The following DMXL1 variants were observed in gnomAD, a reference collection of about 807,000 sequenced individuals.
The protein encoded by DMXL1 is dmX-like protein 1.
In DMXL1, 99 loss-of-function variants were observed where a neutral mutation model predicts 319.2. The ratio of observed to expected loss-of-function variants is 0.31; its 90% confidence interval spans 0.26 to 0.37. DMXL1 has a LOEUF of 0.37. Among genes scored for constraint, DMXL1 ranks in the 10% least tolerant of loss-of-function variants. The probability of loss-of-function intolerance (pLI) is 1.00; values close to 1 mark genes in which losing one functional copy is unlikely to be tolerated. For synonymous variants in DMXL1, 1,385 were observed against 1,235.2 expected (o/e 1.12, Z -2.54); for missense variants, 3,745 against 3,595.6 (o/e 1.04, Z -1.06).
intron 34 of DMXL1, among the ~76,000 whole-genome samples, chr5:119,210,672 A>G (rs1339214400): frequency 4.0e-5 from 6 of 151,714 alleles, no homozygotes; most frequent in Non-Finnish European, 7.4e-5. Context: ...CTTTATCACT[A>G]TAACCTTATA....
At chr5:119,153,693 T>C (rs1489578495) in intron 19 of DMXL1, among the ~76,000 whole-genome samples, 2 of 152,240 alleles carry the variant, frequency 1.3e-5, no homozygotes, top group African/African-American at 4.8e-5. Flanking sequence ...CTGGCTTATT[T>C]CACTTACTGT....
intron 19 of DMXL1, among the ~76,000 whole-genome samples, chr5:119,163,797 G>T (rs1412440008): frequency 6.6e-6 from 1 of 152,086 alleles, no homozygotes; most frequent in African/African-American, 2.4e-5. Context: ...GGATGGTCTC[G>T]ATCTCCTGAC....
chr5:119,203,194 C>T (rs1561866526), intron 32 of DMXL1, 125 bp from the exon 33 acceptor site: 8 of 579,902 alleles, frequency 1.4e-5, no homozygotes, highest in Middle Eastern at 2.9e-4. Flanking sequence ...GCCATATGAT[C>T]TGCCTCCAGT....
intron 13 of DMXL1, among the ~76,000 whole-genome samples, chr5:119,140,980 A>G (rs1044821418): frequency 6.6e-6 from 1 of 152,124 alleles, no homozygotes; most frequent in Non-Finnish European, 1.5e-5. Flanking sequence ...GATTTATCAC[A>G]TAAGGAGAAC....
intron 28 of DMXL1, among the ~76,000 whole-genome samples, chr5:119,186,953 A>G (rs1281730968): frequency 6.6e-6 from 1 of 152,124 alleles, no homozygotes; most frequent in Non-Finnish European, 1.5e-5. Context: ...GAGGGATAGC[A>G]TTAGGAGATA....
chr5:119,117,920 ATTGT>A (rs1278337946), intron 7 of DMXL1, among the ~76,000 whole-genome samples: 1 of 152,170 alleles, frequency 6.6e-6, no homozygotes, highest in East Asian at 1.9e-4. Flanking sequence ...AAACCTGCTG[ATTGT>A]TCCGTTTTTA....
intron 35 of DMXL1, among the ~76,000 whole-genome samples, chr5:119,217,697 T>G (rs966666749): frequency 8.5e-5 from 13 of 152,318 alleles, no homozygotes; most frequent in African/African-American, 1.4e-4. Flanking sequence ...GATGTTCATA[T>G]GTTCCTAATT....
intron 39 of DMXL1, chr5:119,236,566 G>A (rs1456899458): frequency 2.0e-5 from 3 of 151,986 alleles, no homozygotes; most frequent in Admixed American, 2.0e-4. Flanking sequence ...ATGTAATTGT[G>A]TAGTGGTATT....
chr5:119,101,985 A>C lies in DMXL1; in HGVS notation c.264A>C (p.Leu88=), dbSNP rs75603518. 574 of 1,604,012 alleles carry C rather than the reference A, an allele frequency of 3.6e-4. 1 individual carries two copies. In the African/African-American group the frequency reaches 6.8e-3, roughly 19 times the overall value. Residue 88 remains leucine (L), a synonymous_variant, in exon 3 of 44, where the codon CTA becomes CTC. Coordinates refer to ENST00000539542, the MANE Select transcript of DMXL1 (RefSeq NM_001290321.3). ...NVISIFEPVN[L]PKQKKNLELY... ...TCTCCATTTTTGAACCAGTTAACCTACCAAAACAAAAGAAAAATTTGGTCA... is the reference window on the plus strand; with the variant it reads ...TCTCCATTTTTGAACCAGTTAACCTCCCAAAACAAAAGAAAAATTTGGTCA...
At chr5:119,090,238 C>T (rs1037255808) in intron 1 of DMXL1, among the ~76,000 whole-genome samples, 1 of 151,434 alleles carries the variant, frequency 6.6e-6, no homozygotes, top group African/African-American at 2.4e-5. Flanking sequence ...CCAGGCTAGT[C>T]TGGAACTCCG....
At chr5:119,108,523 G>A (rs954704152) in intron 4 of DMXL1, among the ~76,000 whole-genome samples, 1 of 152,036 alleles carries the variant, frequency 6.6e-6, no homozygotes, top group Non-Finnish European at 1.5e-5. Context: ...CCCCAGGCTT[G>A]AGTGATCCTT....
At chr5:119,123,314 G>A (rs1182205039) in intron 9 of DMXL1, among the ~76,000 whole-genome samples, 9 of 148,988 alleles carry the variant, frequency 6.0e-5, no homozygotes, top group East Asian at 2.0e-4. Context: ...AGGGGAGACC[G>A]TGGAAAGGGG....
In DMXL1 at chr5:119,147,051, A is replaced by G. The variant is rs910388378; in HGVS notation, c.2689+95A>G. 29 of 1,402,900 alleles carry G rather than the reference A, an allele frequency of 2.1e-5. No individual in the cohort carries two copies. The African/African-American group carries it at 3.9e-4, about 19-fold the overall frequency. 86.9% of individuals were successfully genotyped at this position (1,402,900 alleles called of 1,614,324 possible). A position where few individuals can be genotyped will look rare whatever the true frequency, so the allele number is the denominator to read the frequency against. On this transcript the variant is annotated intron_variant, in intron 16 of 43. Coordinates refer to ENST00000539542, the MANE Select transcript of DMXL1 (RefSeq NM_001290321.3). Reference sequence around the variant, plus strand: ...AATTTGGGACATATTTCTTAAAGCCATTCTCATTAAATGGTGATAACTGTA... The same window carrying G: ...AATTTGGGACATATTTCTTAAAGCCGTTCTCATTAAATGGTGATAACTGTA...
chr5:119,153,793 T>TC (rs1479006243), intron 19 of DMXL1, among the ~76,000 whole-genome samples: 1 of 152,244 alleles, frequency 6.6e-6, no homozygotes, highest in Non-Finnish European at 1.5e-5. Context: ...ACAGGCATAC[T>TC]CCTTTTTATT....
chr5:119,173,497 A>G (rs893644290), intron 25 of DMXL1, among the ~76,000 whole-genome samples: 1 of 151,750 alleles, frequency 6.6e-6, no homozygotes, highest in East Asian at 2.0e-4. Context: ...TCTTTGGTCA[A>G]CTGGTGGGTT....
At chr5:119,074,408 C>T (rs759798133) in intron 1 of DMXL1, among the ~76,000 whole-genome samples, 9 of 152,140 alleles carry the variant, frequency 5.9e-5, no homozygotes, top group Non-Finnish European at 1.0e-4. Flanking sequence ...TTTGTGTTTT[C>T]TTTTAGGACA....
chr5:119,140,038 A>AT (rs1766954847), intron 13 of DMXL1, among the ~76,000 whole-genome samples: 2 of 152,252 alleles, frequency 1.3e-5, no homozygotes, highest in Admixed American at 1.3e-4. Context: ...AAATAGTGAA[A>AT]TTAAGACAGA....
chr5:119,200,580 A>C (rs1291469823), intron 32 of DMXL1, among the ~76,000 whole-genome samples: 1 of 152,184 alleles, frequency 6.6e-6, no homozygotes, highest in Non-Finnish European at 1.5e-5. Flanking sequence ...TATTAATTTT[A>C]AAATAGGTTT....
At chr5:119,220,919 C>T in intron 36 of DMXL1, 21 bp from the exon 37 acceptor site, 1 of 1,604,852 alleles carries the variant, frequency 6.2e-7, no homozygotes, top group Non-Finnish European at 8.5e-7. Flanking sequence ...TGTTTTTATT[C>T]TGGTTGACAT....
Sources: gnomAD v4.1 joint callset for allele counts (sites outside exome capture counted in the v4.1 genomes callset) on GRCh38, gnomAD v4.1.1 for gene constraint, MANE v1.5 for transcripts, NCBI Gene and HGNC (gene_info 2026-07-23, HGNC 2026-07-21) for gene names.